Variants in ABCD4 observed in about 807,000 individuals in gnomAD.
The protein encoded by ABCD4 is ATP binding cassette subfamily D member 4.
Under a neutral mutation model 86.3 loss-of-function variants are expected in ABCD4, and 53 were observed. That is an observed-to-expected ratio of 0.61 (90% CI 0.49 to 0.77). ABCD4 has a LOEUF of 0.77. Ranked by LOEUF, ABCD4 falls within the 30% of genes least tolerant of loss-of-function variation. The pLI is 0.00. For synonymous variants in ABCD4, 328 were observed against 313.6 expected, an observed-to-expected ratio of 1.05 and a Z score of -0.49; for missense variants, 757 against 764.5, an observed-to-expected ratio of 0.99 and a Z score of 0.12.
Position 74,287,858 on chromosome 14 carries a change from G to T in ABCD4, c.1588C>A (p.Gln530Lys). 4 of 1,613,362 alleles carry T rather than the reference G, an allele frequency of 2.5e-6. No individual in the cohort carries two copies. The highest frequency in any genetic ancestry group is 3.4e-6 in the Non-Finnish European group (4 of 1,179,652). Reference protein sequence around the residue: ...WYDVLSPGEMQRLSFARLFYL... With the variant: ...WYDVLSPGEMKRLSFARLFYL... Reference sequence around the variant, plus strand: ...AAGAGTCGGGCAAAGGAGAGCCGTTGCATCTCCCCCGGGGACAGAACATCA... The same window carrying T: ...AAGAGTCGGGCAAAGGAGAGCCGTTTCATCTCCCCCGGGGACAGAACATCA... The change falls in exon 17 of 19, where the codon CAA becomes AAA. Residue 530 changes from glutamine to lysine, a missense_variant. Gln to Lys is a moderately conservative substitution (Grantham distance 53). Transcript: ENST00000356924.
intron 13 of ABCD4, 96 bp from the exon 14 acceptor site, chr14:74,289,615 C>T (rs753449021): frequency 4.5e-6 from 7 of 1,545,906 alleles, no homozygotes; most frequent in Non-Finnish European, 6.1e-6. Flanking sequence ...TGGAACCTCC[C>T]AAGGAGGAGA....
intron 13 of ABCD4, 72 bp from the exon 14 acceptor site, chr14:74,289,591 C>G (rs117392988): frequency 8.3e-6 from 13 of 1,574,234 alleles, no homozygotes; most frequent in Non-Finnish European, 1.1e-5. Flanking sequence ...GCCCACCCTC[C>G]CTCCAGAACC....
At position 74,293,182 on chromosome 14, in the gene ABCD4, C is replaced by T. The variant is rs1327287588; in HGVS notation, c.786G>A (p.Glu262=). The T allele has an allele frequency of 2.5e-6, 4 of 1,614,208 alleles. No homozygotes were observed. The South Asian group carries it at 4.4e-5, about 18-fold the overall frequency. Residue 262 remains glutamate (E), a synonymous_variant, in exon 8 of 19, where the codon GAG becomes GAA. Transcript: ENST00000356924. ...RLQRLLQTQR[E]LMSKELWLYI... The stretch of plus-strand genomic sequence containing the variant: ...ACAGCCAGAGCTCCTTGGACATCAG[C>T]TCCCTCTGGGTCTGAAGGAGTCTCT...
At position 74,299,593 on chromosome 14, in the gene ABCD4, C is replaced by T; in HGVS notation, c.240G>A (p.Lys80=). 1.9e-6 allele frequency: 3 copies of T among 1,613,976 alleles called. No individual in the cohort carries two copies. The highest frequency in any genetic ancestry group is 2.5e-6 in the Non-Finnish European group (3 of 1,179,910). The change falls in exon 3 of 19, where the codon AAG becomes AAA. Residue 80 remains lysine (K), a synonymous_variant. Transcript: ENST00000356924. ...VLGNKDLEGF[K]TLTFLAVMLI... is the part of the protein sequence containing the mutation. ...GCATGACAGCCAGGAATGTCAGAGT[C>T]TTAAACCCTTCCAAGTCTTTGTTTC...
In ABCD4 at chr14:74,290,030, C is replaced by T; in HGVS notation, c.1416G>A (p.Glu472=). 1 of 1,614,122 alleles carries T rather than the reference C, an allele frequency of 6.2e-7. No homozygotes were observed. The highest frequency in any genetic ancestry group is 1.1e-5 in the South Asian group (1 of 91,072). The change falls in exon 13 of 19, where the codon GAG becomes GAA. Residue 472 remains glutamate (E), a synonymous_variant. Transcript: ENST00000356924. ...GAGCCCCCTGAACTAGACTGACCTG[C>T]TCCCGAAGGGTCCCGTCAGTGAAGA... ...KPFFTDGTLR[E]QVIYPLKEVY...
At chr14:74,288,539 T>C in intron 15 of ABCD4, 177 bp downstream of exon 15, 1 of 720,830 alleles carries the variant, frequency 1.4e-6, no homozygotes, top group Non-Finnish European at 2.3e-6. Context: ...ATGAGAGCAC[T>C]ACCCCCTTCG....
intron 13 of ABCD4, 82 bp downstream of exon 13, chr14:74,289,945 A>G (rs908950019): frequency 6.2e-7 from 1 of 1,602,654 alleles, no homozygotes; most frequent in Non-Finnish European, 8.5e-7. Flanking sequence ...CTAGGACCTG[A>G]GACTTGTCAC....
intron 11 of ABCD4, 110 bp downstream of exon 11, chr14:74,292,177 C>A (rs1400999403): frequency 1.0e-6 from 1 of 980,802 alleles, no homozygotes; most frequent in South Asian, 1.3e-5. Context: ...TCCATTTACT[C>A]CTTACAACTC....
intron 7 of ABCD4, chr14:74,294,888 C>T: frequency 3.8e-6 from 2 of 522,592 alleles, no homozygotes; most frequent in Non-Finnish European, 3.4e-6. Flanking sequence ...GGCATTCATT[C>T]ATTTGACAAT....
Position 74,286,828 on chromosome 14 carries a change from G to A in ABCD4, c.1637-12C>T. 1 of 1,612,078 alleles carries A rather than the reference G, an allele frequency of 6.2e-7. No homozygotes were observed. Among genetic ancestry groups the A allele is most frequent in the Non-Finnish European group, 8.5e-7 (1 of 1,178,660 alleles). ...GGCTTCATCAAGCACTGAGGGGGCA[G>A]AGCACAGAGGAAGAGATCAAAGCCC... is the stretch of plus-strand genomic sequence containing the variant. On this transcript the variant is annotated splice_polypyrimidine_tract_variant and intron_variant, in intron 17 of 18. Coordinates refer to ENST00000356924, the MANE Select transcript of ABCD4 (RefSeq NM_005050.4).
intron 8 of ABCD4, 32 bp downstream of exon 8, chr14:74,293,121 AT>A: frequency 6.2e-7 from 1 of 1,603,348 alleles, no homozygotes; most frequent in Middle Eastern, 1.8e-4. Context: ...GTCCAACCCC[AT>A]GGTTCCCACT....
chr14:74,302,840 T>C (rs1388568556), intron 1 of ABCD4, 35 bp downstream of exon 1: 14 of 1,601,352 alleles, frequency 8.7e-6, no homozygotes, highest in Admixed American at 1.7e-5. Context: ...CCGGAACTCC[T>C]GCTCCCAAAC....
chr14:74,296,619 TC>T, intron 4 of ABCD4, 170 bp from the exon 5 acceptor site: 1 of 601,594 alleles, frequency 1.7e-6, no homozygotes, highest in Non-Finnish European at 2.9e-6. Context: ...GGCAACTAAA[TC>T]CCAGGGCCTT....
At chr14:74,301,664 C>T (rs1390764958) in intron 1 of ABCD4, among the ~76,000 whole-genome samples, 2 of 151,680 alleles carry the variant, frequency 1.3e-5, no homozygotes, top group Non-Finnish European at 2.9e-5. Flanking sequence ...CCCTGCACTT[C>T]GGGAGGCCGA....
intron 3 of ABCD4, among the ~76,000 whole-genome samples, chr14:74,298,550 C>T (rs964447700): frequency 5.3e-5 from 8 of 152,188 alleles, no homozygotes; most frequent in African/African-American, 1.9e-4. Flanking sequence ...GGATTACAGG[C>T]GTGAGCCACT....
chr14:74,298,748 C>A (rs562124321), intron 3 of ABCD4, among the ~76,000 whole-genome samples: 1 of 152,162 alleles, frequency 6.6e-6, no homozygotes, highest in Non-Finnish European at 1.5e-5. Flanking sequence ...GCTTACTGAC[C>A]GAAGACCCAA....
At chr14:74,299,203 G>A (rs1167769812) in intron 3 of ABCD4, 2 of 227,362 alleles carry the variant, frequency 8.8e-6, no homozygotes, top group South Asian at 1.3e-4. Context: ...CCTCGGTCCC[G>A]CAGAGGAGGA....
At chr14:74,289,901 G>A (rs545042627) in intron 13 of ABCD4, 126 bp downstream of exon 13, 42 of 1,535,460 alleles carry the variant, frequency 2.7e-5, no homozygotes, top group Admixed American at 6.2e-5. Flanking sequence ...TCCCAGGCCC[G>A]GGCCACTTCA....
rs144338325 is a variant in ABCD4, at chr14:74,289,165, T to TG, written c.1456+317dup. 13,872 of 1,220,262 alleles carry TG rather than the reference T, an allele frequency of 0.011. 1,509 individuals carry two copies. In the African/African-American group the frequency reaches 0.21, roughly 19 times the overall value. 75.6% of individuals were successfully genotyped at this position (1,220,262 alleles called of 1,614,324 possible). On this transcript the variant is annotated intron_variant, in intron 14 of 18. Transcript: ENST00000356924. ...AATAGACAGGGCACATCATGGATGATGCAGGGGTGGGGGCCTCAGAATGCT... is the reference window on the plus strand; with the variant it reads ...AATAGACAGGGCACATCATGGATGATGGCAGGGGTGGGGGCCTCAGAATGCT...
Sources: gnomAD v4.1 joint callset for allele counts (sites outside exome capture counted in the v4.1 genomes callset) on GRCh38, gnomAD v4.1.1 for gene constraint, MANE v1.5 for transcripts, NCBI Gene and HGNC (gene_info 2026-07-23, HGNC 2026-07-21) for gene names.